CD99L2: variants seen among roughly 807,000 people sequenced by gnomAD.
CD99L2 encodes CD99 antigen-like protein 2.
In CD99L2, 24 loss-of-function variants were observed where a neutral mutation model predicts 27.3. The ratio of observed to expected loss-of-function variants is 0.88; its 90% CI spans 0.64 to 1.24. The LOEUF (loss-of-function observed/expected upper bound fraction) is 1.24. CD99L2 is among the 50% of genes most tolerant of loss of function. CD99L2 has a pLI of 0.00. For synonymous variants in CD99L2, 97 were observed against 87.9 expected, an observed-to-expected ratio of 1.10 and a Z score of -0.58; for missense variants, 255 against 221.6, an observed-to-expected ratio of 1.15 and a Z score of -0.96.
chrX:150,856,565 G>A (rs2046891663), intron 1 of CD99L2, among the ~76,000 whole-genome samples: 1 of 35,940 alleles, frequency 2.8e-5, no homozygotes, highest in Non-Finnish European at 4.9e-5. Context: ...CAGAAGCCAG[G>A]CTAAAATAAT....
rs782408912 is a variant in CD99L2, at chrX:150,803,826, T to TA, written c.278-8341dup. ...AGTTATGAAACTTCAAAAGAAAACATAAAAAAAATCTTTGGGACTGAGAGC... is the reference window on the plus strand; with the variant it reads ...AGTTATGAAACTTCAAAAGAAAACATAAAAAAAAATCTTTGGGACTGAGAGC... On this transcript the variant is annotated intron_variant, in intron 4 of 10. Transcript: ENST00000370377. 3.6e-5 allele frequency among the ~76,000 whole-genome samples: 4 copies of TA among 111,445 alleles called. No individual in the cohort carries two copies. In the East Asian group the frequency reaches 1.1e-3, roughly 31 times the overall value.
chrX:150,824,289 G>GGAAGAA (rs782581412), intron 2 of CD99L2, among the ~76,000 whole-genome samples: 1 of 59,275 alleles, frequency 1.7e-5, no homozygotes, highest in African/African-American at 7.6e-5. Context: ...GGAGGAGAAA[G>GGAAGAA]GAAGAAGAAG....
At chrX:150,819,251 T>C (rs889676891) in intron 2 of CD99L2, 2 of 328,590 alleles carry the variant, frequency 6.1e-6, no homozygotes, top group South Asian at 5.9e-5. Flanking sequence ...CTCTAATAAA[T>C]TTGACCTGTT....
chrX:150,838,857 A>ACTTT (rs1557421287), intron 1 of CD99L2, among the ~76,000 whole-genome samples: 2 of 100,024 alleles, frequency 2.0e-5, no homozygotes, highest in African/African-American at 7.3e-5. Context: ...GCCCAGCGGA[A>ACTTT]AACATGAACT....
At position 150,894,592 on chromosome X, in the gene CD99L2, T is replaced by C. The variant is rs917236357; in HGVS notation, c.67+3930A>G. 3.6e-5 allele frequency among the ~76,000 whole-genome samples: 4 copies of C among 110,334 alleles called. No homozygotes were observed. In the South Asian group the frequency reaches 1.2e-3, roughly 32 times the overall value. On this transcript the variant is annotated intron_variant, in intron 1 of 10. Transcript: ENST00000370377. Reference sequence around the variant, plus strand: ...TGTTTTGTGTGTGTGTGTGTGTGTGTGTGTGTGTGTTTTAAGACAGGGTCT... The same window carrying C: ...TGTTTTGTGTGTGTGTGTGTGTGTGCGTGTGTGTGTTTTAAGACAGGGTCT...
intron 1 of CD99L2, among the ~76,000 whole-genome samples, chrX:150,847,751 T>A (rs148491069): frequency 1.4e-3 from 155 of 110,971 alleles, no homozygotes; most frequent in Non-Finnish European, 2.6e-3. Flanking sequence ...AGCCACCCAC[T>A]GCATTGTCCA....
chrX:150,896,371 C>A (rs1393450425), intron 1 of CD99L2, among the ~76,000 whole-genome samples: 1 of 112,221 alleles, frequency 8.9e-6, no homozygotes, highest in Non-Finnish European at 1.9e-5. Flanking sequence ...GCACTCCAGC[C>A]TGAGCAACAG....
At chrX:150,838,257 C>T (rs1035345853) in intron 1 of CD99L2, among the ~76,000 whole-genome samples, 63 of 112,066 alleles carry the variant, frequency 5.6e-4, no homozygotes, top group African/African-American at 1.9e-3. Flanking sequence ...CTTAAGAAGA[C>T]GTAAGGACTG....
intron 1 of CD99L2, among the ~76,000 whole-genome samples, chrX:150,840,334 T>C (rs898842545): frequency 8.9e-6 from 1 of 111,970 alleles, no homozygotes; most frequent in Non-Finnish European, 1.9e-5. Context: ...CACACACACA[T>C]GCACGTGGGG....
intron 1 of CD99L2, among the ~76,000 whole-genome samples, chrX:150,861,025 C>T (rs1041064789): frequency 1.9e-5 from 2 of 107,012 alleles, no homozygotes; most frequent in Non-Finnish European, 3.9e-5. Context: ...ACCTGTAGTC[C>T]CAGCTACTCG....
intron 1 of CD99L2, among the ~76,000 whole-genome samples, chrX:150,856,493 A>C (rs1325648628): frequency 9.0e-6 from 1 of 110,887 alleles, no homozygotes; most frequent in Admixed American, 9.6e-5. Context: ...TGAGAGGAAA[A>C]GAAATGAATG....
chrX:150,769,080 G>A lies in CD99L2; in HGVS notation c.743C>T (p.Thr248Met), dbSNP rs782463630. The A allele has an allele frequency of 1.7e-6, 2 of 1,163,336 alleles. No individual in the cohort carries two copies. Among genetic ancestry groups the A allele is most frequent in the Non-Finnish European group, 1.1e-6 (1 of 877,858 alleles). ...EPQVKYSTLH[T>M]QSAEPPPPPE... ...CGGCGGCGGCGGCTCTGCAGACTGC[G>A]TGTGCAACGTGGAGTATTTCACTAG... The change falls in exon 11 of 11, where the codon ACG (threonine) becomes ATG (methionine). Residue 248 changes from threonine to methionine, a missense_variant. Coordinates refer to ENST00000370377, the MANE Select transcript of CD99L2 (RefSeq NM_031462.4).
chrX:150,851,533 G>A (rs12116022), intron 1 of CD99L2, among the ~76,000 whole-genome samples: 20,621 of 111,497 alleles, frequency 0.18, 1,447 homozygotes, highest in African/African-American at 0.25. Flanking sequence ...GCTATGATGA[G>A]ACAGCTGTAT....
intron 4 of CD99L2, among the ~76,000 whole-genome samples, chrX:150,801,956 G>A (rs2045914417): frequency 8.9e-6 from 1 of 111,916 alleles, no homozygotes; most frequent in Non-Finnish European, 1.9e-5. Context: ...CAGACTTAAT[G>A]GTGAAAGACT....
chrX:150,874,170 C>T (rs151029298), intron 1 of CD99L2, among the ~76,000 whole-genome samples: 1,178 of 112,011 alleles, frequency 0.011, 18 homozygotes, highest in African/African-American at 0.035. Flanking sequence ...GAGCCTCACA[C>T]GTGAGGTGCT....
intron 7 of CD99L2, among the ~76,000 whole-genome samples, chrX:150,784,521 G>C (rs1184064356): frequency 8.9e-6 from 1 of 111,744 alleles, no homozygotes; most frequent in Admixed American, 9.5e-5. Context: ...GCAGACACAG[G>C]GTTCACCTAC....
intron 9 of CD99L2, among the ~76,000 whole-genome samples, chrX:150,770,803 G>C (rs1024446427): frequency 8.9e-6 from 1 of 112,466 alleles, no homozygotes; most frequent in Non-Finnish European, 1.9e-5. Context: ...GGATGGCTGA[G>C]TGGGGCTCAG....
chrX:150,812,189 T>C (rs782085138), intron 4 of CD99L2, among the ~76,000 whole-genome samples: 4 of 110,856 alleles, frequency 3.6e-5, no homozygotes, highest in Non-Finnish European at 7.6e-5. Context: ...GTATGATCAA[T>C]AAAAGGAAAA....
At chrX:150,820,797 A>G (rs1385781975) in intron 2 of CD99L2, among the ~76,000 whole-genome samples, 1 of 111,861 alleles carries the variant, frequency 8.9e-6, no homozygotes, top group African/African-American at 3.2e-5. Context: ...AATAAAAAAA[A>G]CTATTAAAAC....
Sources: allele counts gnomAD v4.1 joint callset (sites outside exome capture counted in the v4.1 genomes callset), GRCh38; gene constraint gnomAD v4.1.1; transcripts MANE v1.5; gene names NCBI Gene and HGNC (gene_info 2026-07-23, HGNC 2026-07-21).